SLC23A2: variants seen among roughly 807,000 people sequenced by gnomAD.
SLC23A2 encodes the protein solute carrier family 23 member 2, also known as Na(+)/L-ascorbic acid transporter 2.
Under a neutral mutation model 73.3 loss-of-function variants are expected in SLC23A2, and 36 were observed. The ratio of observed to expected loss-of-function variants is 0.49; its 90% CI spans 0.38 to 0.65. The LOEUF is 0.65. Ranked by LOEUF, SLC23A2 falls within the 30% of genes least tolerant of loss-of-function variation. The pLI, the probability that SLC23A2 is intolerant of heterozygous loss-of-function variation, is 0.00. For missense variants in SLC23A2, 507 were observed against 841.6 expected, an observed-to-expected ratio of 0.60 and a Z score of 4.92; for synonymous variants, 343 against 327.3, an observed-to-expected ratio of 1.05 and a Z score of -0.52.
upstream of SLC23A2, among the ~76,000 whole-genome samples, chr20:5,004,987 G>A (rs928537447): frequency 4.2e-5 from 6 of 142,370 alleles, 2 homozygotes; most frequent in Admixed American, 7.3e-5. Context: ...CAACAAGAAT[G>A]AACTCCGTCT....
chr20:4,933,938 T>C (rs1338906756), intron 2 of SLC23A2, among the ~76,000 whole-genome samples: 1 of 152,124 alleles, frequency 6.6e-6, no homozygotes, highest in East Asian at 1.9e-4. Flanking sequence ...CATGGGACAC[T>C]TCATTCAATA....
intron 1 of SLC23A2, among the ~76,000 whole-genome samples, chr20:4,990,299 A>T (rs981708177): frequency 2.0e-5 from 3 of 152,110 alleles, no homozygotes; most frequent in African/African-American, 7.2e-5. Flanking sequence ...GCAGAGGATT[A>T]CTTGAGGCTG....
rs1832916790 is a variant in SLC23A2, at chr20:4,853,424, A to G, written c.*3548T>C. On this transcript the variant is annotated 3_prime_UTR_variant, in exon 17 of 17. Coordinates refer to ENST00000338244, the MANE Select transcript of SLC23A2 (RefSeq NM_005116.6). Reference sequence around the variant, plus strand: ...TGCCAACTTTAAGTTGCTAGTACCAATATTTCAGCAGGGATATGAATGAAA... The same window carrying G: ...TGCCAACTTTAAGTTGCTAGTACCAGTATTTCAGCAGGGATATGAATGAAA... 2.0e-5 allele frequency: 3 copies of G among 152,660 alleles called. No homozygotes were observed. In the South Asian group the frequency reaches 6.2e-4, roughly 32 times the overall value. The allele number at this position is 152,660 out of a possible 1,614,324, so 9.5% of individuals were successfully genotyped here.
chr20:4,973,049 G>T (rs1190086968), intron 1 of SLC23A2, among the ~76,000 whole-genome samples: 1 of 152,192 alleles, frequency 6.6e-6, no homozygotes, highest in African/African-American at 2.4e-5. Flanking sequence ...AACAAATACA[G>T]TTCCTTGAAA....
intron 2 of SLC23A2, among the ~76,000 whole-genome samples, chr20:4,941,072 C>T (rs2087032772): frequency 6.6e-6 from 1 of 152,062 alleles, no homozygotes; most frequent in South Asian, 2.1e-4. Context: ...ACAAGAATCA[C>T]TTGAACCCAG....
rs1929748973 is a variant in SLC23A2, at chr20:4,857,271, T to A, written c.1721-67A>T. 1.4e-6 allele frequency: 1 copy of A among 716,710 alleles called. No individual in the cohort carries two copies. Among genetic ancestry groups the A allele is most frequent in the Non-Finnish European group, 2.4e-6 (1 of 424,670 alleles). The allele number at this position is 716,710 out of a possible 1,614,324, so 44.4% of individuals were successfully genotyped here. ...AGCAGCTCTACTGAAAATGAAACTG[T>A]CGTCAAACACATACACACACACACA... On this transcript the variant is annotated intron_variant, in intron 16 of 16. Coordinates refer to ENST00000338244, the MANE Select transcript of SLC23A2 (RefSeq NM_005116.6). The surrounding 1 kb of genome is among the most constrained non-coding windows in gnomAD (Gnocchi z 4.0).
intron 9 of SLC23A2, among the ~76,000 whole-genome samples, chr20:4,875,580 G>A (rs1397670447): frequency 1.3e-5 from 2 of 152,166 alleles, no homozygotes; most frequent in Non-Finnish European, 2.9e-5. Context: ...GGTCCTGACT[G>A]AACTGCACTA....
chr20:4,916,269 A>G (rs1289419443), intron 3 of SLC23A2, among the ~76,000 whole-genome samples: 1 of 152,198 alleles, frequency 6.6e-6, no homozygotes, highest in Admixed American at 6.5e-5. Flanking sequence ...GCCAAGAGCA[A>G]CACGCTCTCA....
At chr20:4,874,237 G>A (rs1340061129) in intron 10 of SLC23A2, 145 bp from the exon 11 acceptor site, 1 of 716,086 alleles carries the variant, frequency 1.4e-6, no homozygotes, top group South Asian at 1.9e-5. Flanking sequence ...GACTCTCACT[G>A]AGAGAGCAGT....
At chr20:4,994,286 G>A (rs2087980640) in intron 1 of SLC23A2, among the ~76,000 whole-genome samples, 1 of 152,102 alleles carries the variant, frequency 6.6e-6, no homozygotes, top group Non-Finnish European at 1.5e-5. Flanking sequence ...CCTGTCACCT[G>A]AGAACTTGTG....
intron 3 of SLC23A2, among the ~76,000 whole-genome samples, chr20:4,923,806 T>A (rs1446794750): frequency 6.6e-6 from 1 of 152,204 alleles, no homozygotes; most frequent in Non-Finnish European, 1.5e-5. Flanking sequence ...GTTTTTAGAA[T>A]GAAGGTAGTT....
At chr20:4,898,553 T>C (rs562485259) in intron 6 of SLC23A2, among the ~76,000 whole-genome samples, 1 of 152,222 alleles carries the variant, frequency 6.6e-6, no homozygotes, top group East Asian at 1.9e-4. Flanking sequence ...CTTAGGACAG[T>C]CCTGCCAGAG....
chr20:4,992,059 G>A (rs758539782), intron 1 of SLC23A2, among the ~76,000 whole-genome samples: 13 of 152,058 alleles, frequency 8.5e-5, no homozygotes, highest in African/African-American at 1.4e-4. Flanking sequence ...GCAGTGAGCC[G>A]AGATCGCGCC....
intron 2 of SLC23A2, among the ~76,000 whole-genome samples, chr20:4,962,673 C>T (rs1426560856): frequency 6.6e-6 from 1 of 152,120 alleles, no homozygotes; most frequent in African/African-American, 2.4e-5. Flanking sequence ...AGGCCAGGAG[C>T]CAACATTCAA....
intron 2 of SLC23A2, among the ~76,000 whole-genome samples, chr20:4,961,138 C>T (rs1170359630): frequency 8.5e-5 from 12 of 141,852 alleles, no homozygotes; most frequent in African/African-American, 2.3e-4. Context: ...GACGGAGTCT[C>T]GCTCTGTCGC....
At chr20:4,884,160 A>G (rs1430221720) in intron 8 of SLC23A2, among the ~76,000 whole-genome samples, 3 of 152,236 alleles carry the variant, frequency 2.0e-5, no homozygotes, top group Non-Finnish European at 4.4e-5. Context: ...ACTGCAGCAT[A>G]AAGACTCTCA....
chr20:4,874,549 C>T lies in SLC23A2; in HGVS notation c.945+27G>A, dbSNP rs201600407. ...ACATATTAACCAAGGGCAAAAATGT[C>T]AGCAGGGGAAGAAGTCAGCTACTCA... On this transcript the variant is annotated intron_variant, in intron 10 of 16. Coordinates refer to ENST00000338244, the MANE Select transcript of SLC23A2 (RefSeq NM_005116.6). 4.1e-5 allele frequency: 64 copies of T among 1,573,244 alleles called. No individual in the cohort carries two copies. In the East Asian group the frequency reaches 1.3e-3, roughly 33 times the overall value.
At chr20:4,996,634 C>T (rs550935895) in intron 1 of SLC23A2, among the ~76,000 whole-genome samples, 2 of 138,916 alleles carry the variant, frequency 1.4e-5, no homozygotes, top group Non-Finnish European at 3.0e-5. Context: ...TGCAATGAGC[C>T]GAGGTCACAC....
rs1203626153 is a variant in SLC23A2 at position 4,899,050 on chromosome 20, G to A, written c.482+505C>T. ...AGGCATGGCTGGAGATGGAAGTGGG[G>A]CAGAGAGCAAGGGCAAGCCTAAATG... On this transcript the variant is annotated intron_variant, in intron 6 of 16. Coordinates refer to ENST00000338244, the MANE Select transcript of SLC23A2 (RefSeq NM_005116.6). The surrounding 1 kb of genome is among the most constrained non-coding windows in gnomAD (Gnocchi z 4.9). 6.6e-6 allele frequency among the ~76,000 whole-genome samples: 1 copy of A among 152,190 alleles called. No individual in the cohort carries two copies. The highest frequency in any genetic ancestry group is 2.4e-5 in the African/African-American group (1 of 41,448).
Sources: gnomAD v4.1 joint callset for allele counts (sites outside exome capture counted in the v4.1 genomes callset) on GRCh38, gnomAD v4.1.1 for gene constraint, Gnocchi (gnomAD v3.1) non-coding constraint, MANE v1.5 for transcripts, NCBI Gene and HGNC (gene_info 2026-07-23, HGNC 2026-07-21) for gene names.